The following GTPBP10 variants were observed in gnomAD, a reference collection of about 807,000 sequenced individuals.
GTPBP10 encodes the protein GTP binding protein 10.
GTPBP10 carries 38 observed loss-of-function variants against 44.8 expected under a neutral mutation model. The observed-to-expected ratio is 0.85, with a 90% CI of 0.65 to 1.11. GTPBP10 has a LOEUF of 1.11. GTPBP10 is among the 50% of genes most tolerant of loss of function. The pLI is 0.00. For missense variants in GTPBP10, 462 were observed against 453.7 expected (o/e 1.02, Z -0.17); for synonymous variants, 152 against 150.6 (o/e 1.01, Z -0.07).
In GTPBP10 at chr7:90,383,074, C is replaced by A; in HGVS notation, c.896C>A (p.Pro299His). Residue 299 changes from proline to histidine, a missense_variant, in exon 9 of 10, where the codon CCT becomes CAT. By Grantham distance (77) the Pro-to-His change is moderately conservative. Transcript: ENST00000222511. ...GAATTGATGAGCCAGCTCCAGAATC[C>A]TAAAGGTAAACCTATTTATTCATTT... The part of the protein sequence containing the change: ...FHELMSQLQN[P>H]KDFLHLFEKN... The A allele has an allele frequency of 6.4e-7, 1 of 1,565,426 alleles. No homozygotes were observed. Among genetic ancestry groups the A allele is most frequent in the Non-Finnish European group, 8.7e-7 (1 of 1,151,044 alleles).
In GTPBP10 at chr7:90,389,740, G is replaced by A. The variant is rs1722467831; in HGVS notation, c.*4586G>A. On this transcript the variant is annotated 3_prime_UTR_variant, in exon 10 of 10. Transcript: ENST00000222511. ...CATAATTTTAATTAAAAGTTAAGCA[G>A]TGAAAAATAAACATCTTTTTTTCTT... is the stretch of plus-strand genomic sequence containing the variant. The A allele has an allele frequency of 6.6e-6, 1 of 152,120 alleles. No homozygotes were observed. The highest frequency in any genetic ancestry group is 2.4e-5 in the African/African-American group (1 of 41,406). 9.4% of individuals were successfully genotyped at this position (152,120 alleles called of 1,614,324 possible).
At chr7:90,383,734 A>G (rs1796473135) in intron 9 of GTPBP10, 1 of 152,230 alleles carries the variant, frequency 6.6e-6, no homozygotes, top group African/African-American at 2.4e-5. Context: ...TGGTGGTTTC[A>G]TTCAGAGTCT....
intron 8 of GTPBP10, among the ~76,000 whole-genome samples, chr7:90,379,490 T>C (rs190443146): frequency 6.6e-6 from 1 of 152,312 alleles, no homozygotes; most frequent in African/African-American, 2.4e-5. Flanking sequence ...TCCTCCTCTG[T>C]AACCCTCTCC....
intron 1 of GTPBP10, among the ~76,000 whole-genome samples, chr7:90,352,570 C>T (rs1358442042): frequency 6.6e-6 from 1 of 152,060 alleles, no homozygotes; most frequent in African/African-American, 2.4e-5. Context: ...AGTCAGAAAC[C>T]CTCAGGATAG....
intron 4 of GTPBP10, among the ~76,000 whole-genome samples, chr7:90,359,826 A>T (rs1016344298): frequency 5.3e-5 from 8 of 152,200 alleles, no homozygotes; most frequent in African/African-American, 1.9e-4. Flanking sequence ...CTTTTTAAGG[A>T]TCGCCATTCT....
intron 2 of GTPBP10, among the ~76,000 whole-genome samples, chr7:90,354,126 G>C (rs868234974): frequency 1.3e-5 from 2 of 151,956 alleles, no homozygotes; most frequent in African/African-American, 4.8e-5. Context: ...GAGCCACCAC[G>C]CCTGGCTTTT....
Position 90,387,239 on chromosome 7 carries a change from G to C in GTPBP10, c.*2085G>C, listed in dbSNP as rs1232288420. On this transcript the variant is annotated 3_prime_UTR_variant, in exon 10 of 10. Transcript: ENST00000222511. ...TAATCCCAGCTACTCGGGAGGCTGA[G>C]GCAGGAGAATCGCTTGAACCCGGGA... The C allele has an allele frequency of 6.6e-6, 1 of 152,190 alleles. No individual in the cohort carries two copies. Among genetic ancestry groups the C allele is most frequent in the African/African-American group, 2.4e-5 (1 of 41,426 alleles). The allele number at this position is 152,190 out of a possible 1,614,324, so 9.4% of individuals were successfully genotyped here.
chr7:90,373,448 A>G (rs183333050), intron 5 of GTPBP10, among the ~76,000 whole-genome samples: 1 of 152,368 alleles, frequency 6.6e-6, no homozygotes, highest in East Asian at 1.9e-4. Flanking sequence ...AAAAGGACAC[A>G]GAATGCCATT....
In GTPBP10 at chr7:90,357,544, T is replaced by A. The variant is rs571311803; in HGVS notation, c.464+2314T>A. 2.0e-5 allele frequency among the ~76,000 whole-genome samples: 3 copies of A among 152,290 alleles called. No individual in the cohort carries two copies. In the South Asian group the frequency reaches 6.2e-4, roughly 32 times the overall value. On this transcript the variant is annotated intron_variant, in intron 4 of 9. Transcript: ENST00000222511. ...CTCCAGCTAATACGCTTTTATAAAATTCCAAATTAATATTTGCAGAATATT... is the reference window on the plus strand; with the variant it reads ...CTCCAGCTAATACGCTTTTATAAAAATCCAAATTAATATTTGCAGAATATT...
intron 4 of GTPBP10, among the ~76,000 whole-genome samples, chr7:90,358,080 G>C (rs577621860): frequency 3.3e-4 from 50 of 152,220 alleles, no homozygotes; most frequent in African/African-American, 1.2e-3. Flanking sequence ...AATGAATTCA[G>C]TATACTCTCA....
At chr7:90,376,343 G>A (rs1475624906) in intron 6 of GTPBP10, among the ~76,000 whole-genome samples, 1 of 152,146 alleles carries the variant, frequency 6.6e-6, no homozygotes, top group Non-Finnish European at 1.5e-5. Context: ...AAAAGTAACT[G>A]TGGTTTTGGC....
Position 90,364,911 on chromosome 7 carries a change from C to T in GTPBP10, c.465-7244C>T, listed in dbSNP as rs903845176. Among the ~76,000 whole-genome samples, 9 of 152,280 alleles carry T rather than the reference C, an allele frequency of 5.9e-5. No homozygotes were observed. The South Asian group carries it at 6.2e-4, about 11-fold the overall frequency. The stretch of plus-strand genomic sequence containing the variant: ...CTAGCAATGAGTGAAGCTCCGTGAG[C>T]GTGGGACCCTCCAAGCCAGGTGCGG... On this transcript the variant is annotated intron_variant, in intron 4 of 9. Coordinates refer to ENST00000222511, the MANE Select transcript of GTPBP10 (RefSeq NM_033107.4).
chr7:90,357,730 A>G (rs943465701), intron 4 of GTPBP10, among the ~76,000 whole-genome samples: 1 of 152,190 alleles, frequency 6.6e-6, no homozygotes, highest in Non-Finnish European at 1.5e-5. Flanking sequence ...AAATTTAATG[A>G]AAATATATGA....
intron 4 of GTPBP10, among the ~76,000 whole-genome samples, chr7:90,361,122 T>C (rs1045998263): frequency 1.2e-4 from 19 of 152,204 alleles, no homozygotes; most frequent in African/African-American, 4.6e-4. Flanking sequence ...GAATACCCTT[T>C]ATTTCTTTCT....
chr7:90,388,468 A>G lies in GTPBP10; in HGVS notation c.*3314A>G, dbSNP rs532893151. The stretch of plus-strand genomic sequence containing the variant: ...TTATTTACCATCATGAAATATGTTT[A>G]TACAGTATTAAGTATATTGTACTAT... On this transcript the variant is annotated 3_prime_UTR_variant, in exon 10 of 10. Coordinates refer to ENST00000222511, the MANE Select transcript of GTPBP10 (RefSeq NM_033107.4). 4.0e-5 allele frequency: 6 copies of G among 151,362 alleles called. No individual in the cohort carries two copies. The highest frequency in any genetic ancestry group is 7.4e-5 in the Non-Finnish European group (5 of 67,840). The allele number at this position is 151,362 out of a possible 1,614,324, so 9.4% of individuals were successfully genotyped here. A position where few individuals can be genotyped will look rare whatever the true frequency, so the allele number is the denominator to read the frequency against.
chr7:90,377,002 T>C (rs1796353717), intron 6 of GTPBP10, among the ~76,000 whole-genome samples: 2 of 152,182 alleles, frequency 1.3e-5, no homozygotes, highest in African/African-American at 4.8e-5. Flanking sequence ...GGTGAGAGGA[T>C]CACTTGAGGA....
At chr7:90,359,357 G>A (rs2888796) in intron 4 of GTPBP10, among the ~76,000 whole-genome samples, 48,030 of 151,172 alleles carry the variant, frequency 0.32, 7,962 homozygotes, top group East Asian at 0.5. Flanking sequence ...TGTGTTCCTT[G>A]TTCAGCTCCC....
chr7:90,352,813 A>G lies in GTPBP10; in HGVS notation c.34-3A>G. ...CAAATATTCTTTCTCTTTTTTTTTT[A>G]AGTATGGAAATTTCATCGATAAGCT... On this transcript the variant is annotated splice_region_variant and splice_polypyrimidine_tract_variant and intron_variant, in intron 1 of 9. Coordinates refer to ENST00000222511, the MANE Select transcript of GTPBP10 (RefSeq NM_033107.4). 6.4e-7 allele frequency: 1 copy of G among 1,572,128 alleles called. No homozygotes were observed. The highest frequency in any genetic ancestry group is 1.2e-5 in the South Asian group (1 of 84,876).
intron 4 of GTPBP10, among the ~76,000 whole-genome samples, chr7:90,361,784 A>C (rs1488130386): frequency 6.6e-6 from 1 of 152,144 alleles, no homozygotes; most frequent in Non-Finnish European, 1.5e-5. Flanking sequence ...TTGGTAGGCT[A>C]TTAATTATTG....
Sources: allele counts gnomAD v4.1 joint callset (sites outside exome capture counted in the v4.1 genomes callset), GRCh38; gene constraint gnomAD v4.1.1; transcripts MANE v1.5; gene names NCBI Gene and HGNC (gene_info 2026-07-23, HGNC 2026-07-21).